NALF1: variants seen among roughly 807,000 people sequenced by gnomAD.
The protein encoded by NALF1 is family with sequence similarity 155 member A.
A neutral mutation model predicts 48.4 loss-of-function variants in NALF1; 3 were observed. That is an observed-to-expected ratio of 0.06 (90% CI 0.03 to 0.16). The LOEUF (loss-of-function observed/expected upper bound fraction) is 0.16. Among genes scored for constraint, NALF1 ranks in the 10% least tolerant of loss-of-function variants. NALF1 has a pLI of 1.00. For synonymous variants in NALF1, 262 were observed against 245.7 expected (o/e 1.07, Z -0.62); for missense variants, 526 against 571.5 (o/e 0.92, Z 0.81).
At position 107,865,670 on chromosome 13, in the gene NALF1, G is replaced by C. The variant is rs1238658269; in HGVS notation, c.915+12C>G. ...AAGTGCAGGAAAGGGGGAAACCCCC[G>C]AGGGTTCCTACCTTACAGTCTTCAG... On this transcript the variant is annotated intron_variant, in intron 1 of 2. Transcript: ENST00000375915. 3.1e-6 allele frequency: 5 copies of C among 1,608,200 alleles called. No homozygotes were observed. Among genetic ancestry groups the C allele is most frequent in the East Asian group, 2.2e-5 (1 of 44,732 alleles).
At chr13:107,240,161 T>C in intron 1 of NALF1, among the ~76,000 whole-genome samples, 1 of 152,176 alleles carries the variant, frequency 6.6e-6, no homozygotes, top group Non-Finnish European at 1.5e-5. Context: ...AGAATGTGCC[T>C]GTGTTTGGAG....
At chr13:107,833,346 G>A (rs1234794556) in intron 1 of NALF1, among the ~76,000 whole-genome samples, 1 of 152,058 alleles carries the variant, frequency 6.6e-6, no homozygotes, top group Non-Finnish European at 1.5e-5. Context: ...TTTTACACTC[G>A]GTTCAAAATA....
At chr13:107,319,869 A>T (rs1413220834) in intron 1 of NALF1, among the ~76,000 whole-genome samples, 1 of 152,084 alleles carries the variant, frequency 6.6e-6, no homozygotes, top group African/African-American at 2.4e-5. Context: ...ATTCCAACTT[A>T]GGTGAGTGGG....
intron 2 of NALF1, among the ~76,000 whole-genome samples, chr13:107,203,598 T>C (rs2138796900): frequency 7.6e-6 from 1 of 132,010 alleles, no homozygotes; most frequent in South Asian, 2.3e-4. Flanking sequence ...CATCAGGTGC[T>C]GTGCTCCATC....
At chr13:107,757,277 T>C (rs1877127805) in intron 1 of NALF1, among the ~76,000 whole-genome samples, 1 of 152,140 alleles carries the variant, frequency 6.6e-6, no homozygotes, top group Admixed American at 6.5e-5. Context: ...ATCCCATAAA[T>C]GTTACTGGGG....
intron 1 of NALF1, among the ~76,000 whole-genome samples, chr13:107,433,058 T>C (rs1484505251): frequency 6.6e-6 from 1 of 152,146 alleles, no homozygotes; most frequent in Non-Finnish European, 1.5e-5. Context: ...AAGATAATCT[T>C]TAATGTCTGA....
chr13:107,731,744 T>A (rs1566460924), intron 1 of NALF1, among the ~76,000 whole-genome samples: 1 of 152,234 alleles, frequency 6.6e-6, no homozygotes, highest in Admixed American at 6.5e-5. Flanking sequence ...CATTCCTTTT[T>A]ATGACTGCGT....
intron 1 of NALF1, among the ~76,000 whole-genome samples, chr13:107,620,263 A>G (rs1879485258): frequency 6.6e-6 from 1 of 152,200 alleles, no homozygotes; most frequent in South Asian, 2.1e-4. Flanking sequence ...AATGATTTGG[A>G]CAAAGGGGAA....
chr13:107,174,459 G>A (rs1326890595), intron 2 of NALF1, among the ~76,000 whole-genome samples: 1 of 151,510 alleles, frequency 6.6e-6, no homozygotes, highest in Non-Finnish European at 1.5e-5. Context: ...GGGTTCAAGT[G>A]ATTCACCTGC....
rs1555326879 is a variant in NALF1, at chr13:107,213,246, A to AAAG, written c.916-2492_916-2491insCTT. Among the ~76,000 whole-genome samples the AAAG allele has an allele frequency of 6.7e-5, 10 of 148,830 alleles. No homozygotes were observed. The East Asian group carries it at 7.8e-4, about 12-fold the overall frequency. ...TTTTTAACTCAAAAAAAAAAAAAAAAAAAAGAAAAGAAAAAGAAACTAGTA... is the reference window on the plus strand; with the variant it reads ...TTTTTAACTCAAAAAAAAAAAAAAAAAAGAAAAGAAAAGAAAAAGAAACTAGTA... On this transcript the variant is annotated intron_variant, in intron 1 of 2. Transcript: ENST00000375915.
chr13:107,167,476 C>T lies in NALF1; in HGVS notation c.*3021G>A, dbSNP rs1342565978. The T allele has an allele frequency of 6.6e-6, 1 of 152,228 alleles. No homozygotes were observed. The highest frequency in any genetic ancestry group is 1.5e-5 in the Non-Finnish European group (1 of 68,052). The allele number at this position is 152,228 out of a possible 1,614,324, so 9.4% of individuals were successfully genotyped here. On this transcript the variant is annotated 3_prime_UTR_variant, in exon 3 of 3. Transcript: ENST00000375915. Reference sequence around the variant, plus strand: ...ATCCTCTGCCTGACCCCAGAAGAAGCTGCTTTGCTTCAACATGTCCAGTGG... The same window carrying T: ...ATCCTCTGCCTGACCCCAGAAGAAGTTGCTTTGCTTCAACATGTCCAGTGG...
intron 1 of NALF1, among the ~76,000 whole-genome samples, chr13:107,747,091 T>C (rs967490244): frequency 3.9e-5 from 6 of 152,208 alleles, no homozygotes; most frequent in Non-Finnish European, 8.8e-5. Flanking sequence ...ATACCAGTGA[T>C]GGAGCCCACA....
At chr13:107,681,100 T>C (rs966958375) in intron 1 of NALF1, among the ~76,000 whole-genome samples, 2 of 152,170 alleles carry the variant, frequency 1.3e-5, no homozygotes, top group African/African-American at 4.8e-5. Context: ...TCCCTGTTGA[T>C]GGTCTTTCCC....
chr13:107,693,374 TGAC>T (rs1594210987), intron 1 of NALF1, among the ~76,000 whole-genome samples: 1 of 151,548 alleles, frequency 6.6e-6, no homozygotes, highest in East Asian at 1.9e-4. Context: ...CTAATGTAAA[TGAC>T]GAGTTGATGG....
intron 1 of NALF1, among the ~76,000 whole-genome samples, chr13:107,462,254 G>A (rs2139044069): frequency 6.6e-6 from 1 of 152,146 alleles, no homozygotes; most frequent in Middle Eastern, 3.4e-3. Context: ...AATACAAAAT[G>A]TGAAGTTCGA....
chr13:107,357,899 T>C (rs1882990708), intron 1 of NALF1, among the ~76,000 whole-genome samples: 2 of 152,156 alleles, frequency 1.3e-5, no homozygotes, highest in Non-Finnish European at 2.9e-5. Flanking sequence ...TCAGGGGTCA[T>C]TGCGAGGCTC....
intron 2 of NALF1, among the ~76,000 whole-genome samples, chr13:107,181,659 C>T (rs1199225767): frequency 1.4e-5 from 2 of 137,970 alleles, no homozygotes; most frequent in African/African-American, 2.7e-5. Context: ...CATGCTTAAT[C>T]GCTATTTTAA....
chr13:107,659,114 G>GACACACACACACACACACAC (rs71121541), intron 1 of NALF1, among the ~76,000 whole-genome samples: 8 of 145,898 alleles, frequency 5.5e-5, no homozygotes, highest in East Asian at 2.2e-4. Context: ...CTGACACACA[G>GACACACACACACACACACAC]ACACACACAC....
intron 1 of NALF1, among the ~76,000 whole-genome samples, chr13:107,775,467 T>C (rs1877704717): frequency 6.6e-6 from 1 of 151,880 alleles, no homozygotes; most frequent in Non-Finnish European, 1.5e-5. Flanking sequence ...GTTGGACATT[T>C]GGGTTGGTTC....
Sources: allele counts gnomAD v4.1 joint callset (sites outside exome capture counted in the v4.1 genomes callset), GRCh38; gene constraint gnomAD v4.1.1; transcripts MANE v1.5; gene names NCBI Gene and HGNC (gene_info 2026-07-23, HGNC 2026-07-21).